AGBL4: variants seen among roughly 807,000 people sequenced by gnomAD.
AGBL4 encodes the protein cytosolic carboxypeptidase 6.
Under a neutral mutation model 66.4 loss-of-function variants are expected in AGBL4, and 58 were observed. That is an observed-to-expected ratio of 0.87 (90% CI 0.71 to 1.09). The LOEUF (loss-of-function observed/expected upper bound fraction) is 1.09, where lower values mean the gene tolerates loss of function less well. Among genes scored for constraint, AGBL4 ranks in the 50% least tolerant of loss-of-function variants. AGBL4 has a pLI of 0.00. For missense variants in AGBL4, 579 were observed against 631.0 expected, an observed-to-expected ratio of 0.92 and a Z score of 0.88; for synonymous variants, 234 against 222.9, an observed-to-expected ratio of 1.05 and a Z score of -0.44.
At chr1:49,181,239 C>T (rs1646926028) in intron 4 of AGBL4, among the ~76,000 whole-genome samples, 1 of 152,188 alleles carries the variant, frequency 6.6e-6, no homozygotes, top group Non-Finnish European at 1.5e-5. Flanking sequence ...CAGCCTTGTA[C>T]ACTCTGTTCC....
intron 4 of AGBL4, among the ~76,000 whole-genome samples, chr1:49,216,723 A>G (rs1649122136): frequency 6.6e-6 from 1 of 152,178 alleles, no homozygotes; most frequent in Non-Finnish European, 1.5e-5. Context: ...TATTCAACTA[A>G]GAACAAAACA....
At chr1:49,201,754 A>C (rs1647720186) in intron 4 of AGBL4, among the ~76,000 whole-genome samples, 1 of 152,148 alleles carries the variant, frequency 6.6e-6, no homozygotes, top group Non-Finnish European at 1.5e-5. Flanking sequence ...ACAACTTTTT[A>C]ATTAAGTAAT....
chr1:48,904,939 T>G (rs962749689), intron 5 of AGBL4, among the ~76,000 whole-genome samples: 2 of 152,124 alleles, frequency 1.3e-5, no homozygotes, highest in Non-Finnish European at 2.9e-5. Flanking sequence ...AGTCTGCAGT[T>G]GCAAGGCTCA....
At chr1:50,009,021 A>C (rs905235051) in intron 1 of AGBL4, among the ~76,000 whole-genome samples, 2 of 152,206 alleles carry the variant, frequency 1.3e-5, no homozygotes, top group African/African-American at 4.8e-5. Flanking sequence ...AGTCCCCAGC[A>C]AAGAAAAGCC....
At chr1:49,414,896 C>T (rs1167258) in intron 3 of AGBL4, among the ~76,000 whole-genome samples, 9,612 of 152,102 alleles carry the variant, frequency 0.063, 959 homozygotes, top group African/African-American at 0.21. Flanking sequence ...ATGATAGTTG[C>T]TATTTTTATT....
intron 3 of AGBL4, among the ~76,000 whole-genome samples, chr1:49,588,087 G>C (rs1644684566): frequency 6.6e-6 from 1 of 152,064 alleles, no homozygotes; most frequent in African/African-American, 2.4e-5. Flanking sequence ...CAGCCAACCT[G>C]AATTAATATT....
chr1:48,870,683 T>A (rs149316447), intron 5 of AGBL4, among the ~76,000 whole-genome samples: 1 of 152,304 alleles, frequency 6.6e-6, no homozygotes, highest in African/African-American at 2.4e-5. Context: ...AGAGCATTAC[T>A]ATCTCTCCCC....
At chr1:49,159,005 G>A (rs1331965702) in intron 4 of AGBL4, among the ~76,000 whole-genome samples, 1 of 149,166 alleles carries the variant, frequency 6.7e-6, no homozygotes, top group Non-Finnish European at 1.5e-5. Context: ...GATGGGTCTT[G>A]TCTCTTTATC....
intron 3 of AGBL4, among the ~76,000 whole-genome samples, chr1:49,470,927 A>T (rs1646730157): frequency 6.6e-6 from 1 of 152,004 alleles, no homozygotes; most frequent in Non-Finnish European, 1.5e-5. Flanking sequence ...TCACTCTTAA[A>T]TTCCTTCCTG....
chr1:48,529,865 C>T (rs1169452467), downstream of AGBL4, among the ~76,000 whole-genome samples: 1 of 152,098 alleles, frequency 6.6e-6, no homozygotes, highest in Non-Finnish European at 1.5e-5. Flanking sequence ...TGCCTAAACG[C>T]TGCTCTCTGG....
chr1:49,808,390 AC>A (rs1645021552), intron 2 of AGBL4, among the ~76,000 whole-genome samples: 1 of 152,128 alleles, frequency 6.6e-6, no homozygotes, highest in Admixed American at 6.6e-5. Flanking sequence ...AAGACTACAA[AC>A]TTTGATGCAC....
chr1:49,647,676 C>A (rs1002085725), intron 3 of AGBL4, among the ~76,000 whole-genome samples: 19 of 152,038 alleles, frequency 1.2e-4, no homozygotes, highest in Middle Eastern at 3.2e-3. Context: ...TTAACAAGGT[C>A]TTCTCTCAGG....
intron 4 of AGBL4, among the ~76,000 whole-genome samples, chr1:49,239,347 T>C (rs1418297819): frequency 1.3e-5 from 2 of 152,118 alleles, no homozygotes; most frequent in East Asian, 1.9e-4. Flanking sequence ...TTAGAGTCTA[T>C]CTCTTAGAAG....
At chr1:49,242,576 G>A (rs1651321636) in intron 4 of AGBL4, among the ~76,000 whole-genome samples, 4 of 151,898 alleles carry the variant, frequency 2.6e-5, no homozygotes, top group African/African-American at 7.2e-5. Context: ...ACACAGTAAT[G>A]AACACGGTTA....
rs1426450478 is a variant in AGBL4 at position 48,736,826 on chromosome 1, CAGA to C, written c.635-73588_635-73586del. Among the ~76,000 whole-genome samples the C allele has an allele frequency of 1.3e-5, 2 of 152,180 alleles. No homozygotes were observed. The highest frequency in any genetic ancestry group is 2.9e-5 in the Non-Finnish European group (2 of 68,030). The stretch of plus-strand genomic sequence containing the variant: ...ATACTTAGTTTATCACAAGGCTGCT[CAGA>C]GCCTTACCAAATCTCAGGACACCCA... On this transcript the variant is annotated intron_variant, in intron 6 of 13. Coordinates refer to ENST00000371839, the MANE Select transcript of AGBL4 (RefSeq NM_032785.4). The surrounding 1 kb of genome is among the most constrained non-coding windows in gnomAD (Gnocchi z 4.0).
At chr1:49,292,292 C>T (rs749672293) in intron 3 of AGBL4, among the ~76,000 whole-genome samples, 2 of 152,206 alleles carry the variant, frequency 1.3e-5, no homozygotes, top group African/African-American at 4.8e-5. Context: ...TCCTTGGCAC[C>T]TAAAGCCTGG....
intron 3 of AGBL4, among the ~76,000 whole-genome samples, chr1:49,356,923 C>T (rs900501579): frequency 1.3e-5 from 2 of 152,218 alleles, no homozygotes; most frequent in Admixed American, 6.5e-5. Flanking sequence ...CTCAAAGCCA[C>T]ATGTCCAGTA....
chr1:49,360,972 A>AT (rs928379584), intron 3 of AGBL4, among the ~76,000 whole-genome samples: 19 of 152,036 alleles, frequency 1.2e-4, no homozygotes, highest in African/African-American at 4.3e-4. Flanking sequence ...AATTTTTTGT[A>AT]TTTTTAATAA....
At chr1:49,950,417 A>T (rs932513514) in intron 1 of AGBL4, among the ~76,000 whole-genome samples, 3 of 151,352 alleles carry the variant, frequency 2.0e-5, no homozygotes, top group African/African-American at 7.3e-5. Flanking sequence ...AAAGGGAGGG[A>T]AAAGGGTGAG....
Sources: allele counts gnomAD v4.1 joint callset (sites outside exome capture counted in the v4.1 genomes callset), GRCh38; gene constraint gnomAD v4.1.1; non-coding constraint Gnocchi (gnomAD v3.1); transcripts MANE v1.5; gene names NCBI Gene and HGNC (gene_info 2026-07-23, HGNC 2026-07-21).